The following RBFOX1 variants were observed in gnomAD, a reference collection of about 807,000 sequenced individuals.
The protein encoded by RBFOX1 is RNA binding protein fox-1 homolog 1.
Under a neutral mutation model 57.7 loss-of-function variants are expected in RBFOX1, and 8 were observed. The observed-to-expected ratio is 0.14, with a 90% CI of 0.08 to 0.25. RBFOX1 has a LOEUF of 0.25. Ranked by LOEUF, RBFOX1 falls within the 10% of genes least tolerant of loss-of-function variation. The probability of loss-of-function intolerance (pLI) is 1.00; values close to 1 mark genes in which losing one functional copy is unlikely to be tolerated. For synonymous variants in RBFOX1, 326 were observed against 222.4 expected (o/e 1.47, Z -4.15); for missense variants, 611 against 548.5 (o/e 1.11, Z -1.14).
chr16:7,158,124 G>A (rs1171618918), intron 4 of RBFOX1, among the ~76,000 whole-genome samples: 3 of 152,024 alleles, frequency 2.0e-5, no homozygotes, highest in African/African-American at 7.2e-5. Flanking sequence ...CAAGGTGGGC[G>A]GATCACAAGG....
chr16:7,408,128 G>A (rs2098378339), intron 4 of RBFOX1, among the ~76,000 whole-genome samples: 1 of 152,134 alleles, frequency 6.6e-6, no homozygotes, highest in South Asian at 2.1e-4. Flanking sequence ...TCACAACATG[G>A]GGGTCAGAAC....
At chr16:5,368,492 C>G (rs1177816607) in intron 1 of RBFOX1, among the ~76,000 whole-genome samples, 1 of 152,146 alleles carries the variant, frequency 6.6e-6, no homozygotes, top group Non-Finnish European at 1.5e-5. Context: ...AAAATAACAT[C>G]TATTTAGAGG....
downstream of RBFOX1, among the ~76,000 whole-genome samples, chr16:5,603,152 C>A (rs2047423639): frequency 6.6e-6 from 1 of 152,168 alleles, no homozygotes; most frequent in African/African-American, 2.4e-5. Context: ...GGCACTGTCT[C>A]CCAGAAAGGG....
intron 4 of RBFOX1, among the ~76,000 whole-genome samples, chr16:7,480,604 C>T (rs1228200117): frequency 6.6e-6 from 1 of 152,228 alleles, no homozygotes; most frequent in Admixed American, 6.5e-5. Context: ...GACTCATTTT[C>T]ATCTGCGGAT....
rs536638767 is a variant in RBFOX1, at chr16:5,796,934, C to A, written c.319-70369C>A. Among the ~76,000 whole-genome samples the A allele has an allele frequency of 4.6e-5, 7 of 152,252 alleles. No individual in the cohort carries two copies. The South Asian group carries it at 8.3e-4, about 18-fold the overall frequency. On this transcript the variant is annotated intron_variant, in intron 3 of 19. Coordinates refer to the RBFOX1 transcript ENST00000641259. ...TATTTATTGAGGATCTACTTTGTGC[C>A]AAGCACTGCAGAAGGTCTCTGGCCT...
intron 4 of RBFOX1, among the ~76,000 whole-genome samples, chr16:7,196,979 A>G (rs2086861496): frequency 6.6e-6 from 1 of 152,192 alleles, no homozygotes; most frequent in South Asian, 2.1e-4. Flanking sequence ...TTTGCACGCA[A>G]GTCTGGGTAA....
chr16:6,973,503 T>C (rs917900290), intron 3 of RBFOX1, among the ~76,000 whole-genome samples: 2 of 152,198 alleles, frequency 1.3e-5, no homozygotes, highest in African/African-American at 2.4e-5. Flanking sequence ...GCTGAAATGC[T>C]CCTATTTCTA....
At chr16:6,859,151 A>G (rs1169845454) in intron 3 of RBFOX1, among the ~76,000 whole-genome samples, 5 of 81,898 alleles carry the variant, frequency 6.1e-5, no homozygotes, top group South Asian at 4.9e-4. Flanking sequence ...GTATATATAT[A>G]TGTATATATA....
Position 7,279,681 on chromosome 16 carries a change from C to G in RBFOX1, c.27+227583C>G, listed in dbSNP as rs187415274. 5.7e-4 allele frequency among the ~76,000 whole-genome samples: 87 copies of G among 152,348 alleles called. No individual in the cohort carries two copies. The South Asian group carries it at 9.1e-3, about 16-fold the overall frequency. On this transcript the variant is annotated intron_variant, in intron 4 of 15. Transcript: ENST00000550418. The stretch of plus-strand genomic sequence containing the variant: ...TCAGGCTATCTATGGTCACATCATT[C>G]TATGAACTAGCAGACCAGGCATAAT...
intron 3 of RBFOX1, among the ~76,000 whole-genome samples, chr16:7,002,124 G>C (rs946749773): frequency 6.6e-6 from 1 of 151,762 alleles, no homozygotes; most frequent in African/African-American, 2.4e-5. Context: ...TGGGGTTGTT[G>C]ATCTTGTTAG....
intron 4 of RBFOX1, among the ~76,000 whole-genome samples, chr16:7,054,369 C>A (rs11077129): frequency 0.81 from 122,141 of 150,084 alleles, 50,348 homozygotes; most frequent in East Asian, 0.94. Context: ...CCTCCAGAGT[C>A]GCTGGGATTA....
chr16:5,956,311 C>G (rs545072139), intron 4 of RBFOX1, among the ~76,000 whole-genome samples: 53 of 151,876 alleles, frequency 3.5e-4, no homozygotes, highest in African/African-American at 1.3e-3. Context: ...TGTATTAAGC[C>G]CAGTAAAATT....
At chr16:7,436,119 T>C (rs1477683406) in intron 4 of RBFOX1, among the ~76,000 whole-genome samples, 1 of 152,230 alleles carries the variant, frequency 6.6e-6, no homozygotes, top group Non-Finnish European at 1.5e-5. Flanking sequence ...ATAGCCTTTT[T>C]GGAGGACAGA....
chr16:6,998,054 C>T (rs1320955841), intron 3 of RBFOX1, among the ~76,000 whole-genome samples: 2 of 151,626 alleles, frequency 1.3e-5, no homozygotes, highest in Non-Finnish European at 2.9e-5. Flanking sequence ...GTAGGAAATG[C>T]TGAGATTTAG....
chr16:5,706,083 G>A (rs1197076548), intron 3 of RBFOX1, among the ~76,000 whole-genome samples: 1 of 152,124 alleles, frequency 6.6e-6, no homozygotes, highest in Non-Finnish European at 1.5e-5. Context: ...GCTAATTTTT[G>A]TATTTTTAGT....
chr16:6,938,223 C>T (rs770820943), intron 3 of RBFOX1, among the ~76,000 whole-genome samples: 6 of 152,136 alleles, frequency 3.9e-5, no homozygotes, highest in African/African-American at 1.2e-4. Flanking sequence ...CAGATTAGAT[C>T]ATTGTCCTAT....
At chr16:7,524,982 T>C (rs2078364219) in intron 5 of RBFOX1, among the ~76,000 whole-genome samples, 1 of 152,154 alleles carries the variant, frequency 6.6e-6, no homozygotes, top group Admixed American at 6.5e-5. Context: ...GGATATAAAA[T>C]GAAAACTAAC....
chr16:6,915,803 T>G (rs2073021079), intron 3 of RBFOX1, among the ~76,000 whole-genome samples: 1 of 152,170 alleles, frequency 6.6e-6, no homozygotes, highest in Non-Finnish European at 1.5e-5. Flanking sequence ...CTGCCTGCCC[T>G]GGCCTCGCAA....
intron 3 of RBFOX1, among the ~76,000 whole-genome samples, chr16:5,765,066 T>C (rs1389103075): frequency 6.6e-6 from 1 of 152,182 alleles, no homozygotes; most frequent in Non-Finnish European, 1.5e-5. Context: ...ACCAGTACCT[T>C]TCCAAATGTG....
Sources: allele counts gnomAD v4.1 joint callset (sites outside exome capture counted in the v4.1 genomes callset), GRCh38; gene constraint gnomAD v4.1.1; transcripts MANE v1.5; gene names NCBI Gene and HGNC (gene_info 2026-07-23, HGNC 2026-07-21).